The following NFIA variants were observed in gnomAD, a reference collection of about 807,000 sequenced individuals.
NFIA encodes nuclear factor I A, also known as nuclear factor 1 A-type.
A neutral mutation model predicts 62.8 loss-of-function variants in NFIA; 8 were observed. The ratio of observed to expected loss-of-function variants is 0.13; its 90% CI spans 0.07 to 0.23. NFIA has a LOEUF of 0.23. Ranked by LOEUF, NFIA falls within the 10% of genes least tolerant of loss-of-function variation. NFIA has a pLI of 1.00. For missense variants in NFIA, 410 were observed against 642.1 expected, an observed-to-expected ratio of 0.64 and a Z score of 3.91; for synonymous variants, 235 against 238.1, an observed-to-expected ratio of 0.99 and a Z score of 0.12.
At chr1:61,168,491 G>T (rs1250847969) in intron 2 of NFIA, among the ~76,000 whole-genome samples, 1 of 152,286 alleles carries the variant, frequency 6.6e-6, no homozygotes, top group East Asian at 1.9e-4. Context: ...ACATTAACTA[G>T]AATTAAATAT....
intron 2 of NFIA, among the ~76,000 whole-genome samples, chr1:61,099,783 A>T (rs1646477849): frequency 6.6e-6 from 1 of 152,178 alleles, no homozygotes; most frequent in Non-Finnish European, 1.5e-5. Flanking sequence ...TTTGCCCTAA[A>T]ACTATATTAT....
chr1:61,190,156 G>A (rs576690770), intron 2 of NFIA, among the ~76,000 whole-genome samples: 1 of 152,258 alleles, frequency 6.6e-6, no homozygotes, highest in Admixed American at 6.5e-5. Context: ...TAGAGAGGTG[G>A]TACTATTTCC....
At chr1:61,174,560 G>A (rs764161636) in intron 2 of NFIA, among the ~76,000 whole-genome samples, 4 of 152,182 alleles carry the variant, frequency 2.6e-5, no homozygotes, top group Non-Finnish European at 4.4e-5. Flanking sequence ...GTGAGAAAGA[G>A]GAAGTAAGTA....
At chr1:61,400,665 C>T (rs545461419) in intron 7 of NFIA, among the ~76,000 whole-genome samples, 2 of 152,270 alleles carry the variant, frequency 1.3e-5, no homozygotes, top group Non-Finnish European at 2.9e-5. Context: ...ATCCATAAGA[C>T]ATGTTTTTCT....
chr1:61,327,109 A>G (rs1449850980), intron 3 of NFIA, among the ~76,000 whole-genome samples: 2 of 148,208 alleles, frequency 1.3e-5, no homozygotes, highest in Non-Finnish European at 3.0e-5. Flanking sequence ...ATATATATTT[A>G]TTATATATTT....
chr1:61,239,713 A>T (rs1201930210), intron 2 of NFIA, among the ~76,000 whole-genome samples: 1 of 152,300 alleles, frequency 6.6e-6, no homozygotes, highest in Non-Finnish European at 1.5e-5. Flanking sequence ...TTAAACACTT[A>T]ATATATTATT....
At chr1:61,139,110 G>A (rs1433762530) in intron 2 of NFIA, among the ~76,000 whole-genome samples, 2 of 152,070 alleles carry the variant, frequency 1.3e-5, no homozygotes, top group African/African-American at 2.4e-5. Context: ...CCCGGGAGGC[G>A]GAGGTTGCAG....
intron 4 of NFIA, among the ~76,000 whole-genome samples, chr1:61,350,444 A>AT (rs1329139447): frequency 1.3e-5 from 2 of 152,124 alleles, no homozygotes; most frequent in Non-Finnish European, 2.9e-5. Context: ...CAGCCTGGGC[A>AT]TTATGGTAAG....
chr1:61,378,853 C>A (rs1664272706), intron 6 of NFIA, among the ~76,000 whole-genome samples: 1 of 152,202 alleles, frequency 6.6e-6, no homozygotes, highest in Admixed American at 6.5e-5. Flanking sequence ...CTCCCAGAGG[C>A]CCCTGCAGTT....
At chr1:61,197,234 CTTTTTTTT>C (rs1002158986) in intron 2 of NFIA, among the ~76,000 whole-genome samples, 1 of 93,388 alleles carries the variant, frequency 1.1e-5, no homozygotes, top group Non-Finnish European at 2.0e-5. Flanking sequence ...TACTCTGGTT[CTTTTTTTT>C]TTTTTTTTTT....
intron 4 of NFIA, among the ~76,000 whole-genome samples, chr1:61,340,130 C>T (rs1661820092): frequency 6.6e-6 from 1 of 152,174 alleles, no homozygotes; most frequent in South Asian, 2.1e-4. Context: ...TCTCTGTTCT[C>T]AGCTGAAGCT....
At chr1:61,286,167 C>T (rs1178961360) in intron 3 of NFIA, among the ~76,000 whole-genome samples, 1 of 152,054 alleles carries the variant, frequency 6.6e-6, no homozygotes, top group Admixed American at 6.6e-5. Context: ...ATGGCTCACG[C>T]CTGTAATCCC....
chr1:61,241,782 G>T (rs989850820), intron 2 of NFIA, among the ~76,000 whole-genome samples: 2 of 152,026 alleles, frequency 1.3e-5, no homozygotes, highest in African/African-American at 4.8e-5. Flanking sequence ...TAGTCACCAC[G>T]TACTACTTGT....
At chr1:61,289,270 A>G (rs978027548) in intron 3 of NFIA, among the ~76,000 whole-genome samples, 1 of 152,210 alleles carries the variant, frequency 6.6e-6, no homozygotes, top group African/African-American at 2.4e-5. Context: ...TTAGGCAACC[A>G]TGTTCCTTGC....
At chr1:61,191,668 T>C (rs1651634087) in intron 2 of NFIA, among the ~76,000 whole-genome samples, 2 of 152,226 alleles carry the variant, frequency 1.3e-5, no homozygotes, top group African/African-American at 4.8e-5. Context: ...CTTCTCAGCC[T>C]GGTGATGCCA....
At chr1:61,287,474 A>G (rs1216703656) in intron 3 of NFIA, among the ~76,000 whole-genome samples, 1 of 152,138 alleles carries the variant, frequency 6.6e-6, no homozygotes, top group Non-Finnish European at 1.5e-5. Flanking sequence ...CCCAGGTCTC[A>G]CATACATTCA....
chr1:61,289,640 C>T (rs1489974295), intron 3 of NFIA, among the ~76,000 whole-genome samples: 2 of 152,300 alleles, frequency 1.3e-5, no homozygotes, highest in African/African-American at 2.4e-5. Flanking sequence ...GTATAAGGTG[C>T]GATGTCATCA....
intron 2 of NFIA, among the ~76,000 whole-genome samples, chr1:61,184,184 G>A (rs1214994078): frequency 6.6e-6 from 1 of 151,458 alleles, no homozygotes; most frequent in Non-Finnish European, 1.5e-5. Flanking sequence ...AAACTTCAGA[G>A]GGGAAACTGA....
At chr1:61,273,221 AT>A (rs1300272926) in intron 2 of NFIA, among the ~76,000 whole-genome samples, 1 of 152,138 alleles carries the variant, frequency 6.6e-6, no homozygotes, top group African/African-American at 2.4e-5. Context: ...TTCTCTAATC[AT>A]TGTAATTTTT....
Sources: allele counts gnomAD v4.1 joint callset (sites outside exome capture counted in the v4.1 genomes callset), GRCh38; gene constraint gnomAD v4.1.1; transcripts MANE v1.5; gene names NCBI Gene and HGNC (gene_info 2026-07-23, HGNC 2026-07-21).